The following ATRNL1 variants were observed in gnomAD, a reference collection of about 807,000 sequenced individuals.
ATRNL1 encodes the protein attractin like 1.
A neutral mutation model predicts 182.7 loss-of-function variants in ATRNL1; 95 were observed. That is an observed-to-expected ratio of 0.52 (90% CI 0.44 to 0.62). ATRNL1 has a LOEUF of 0.62. Ranked by LOEUF, ATRNL1 falls within the 20% of genes least tolerant of loss-of-function variation. ATRNL1 has a pLI of 0.00. For missense variants in ATRNL1, 1,471 were observed against 1,679.5 expected (o/e 0.88, Z 2.17); for synonymous variants, 576 against 568.3 (o/e 1.01, Z -0.19).
intron 9 of ATRNL1, among the ~76,000 whole-genome samples, chr10:115,233,102 A>T (rs889557614): frequency 6.6e-6 from 1 of 151,900 alleles, no homozygotes; most frequent in African/African-American, 2.4e-5. Flanking sequence ...TGGACTTCAT[A>T]TGGACTTCTC....
chr10:115,685,053 G>C (rs1004890723), intron 26 of ATRNL1, among the ~76,000 whole-genome samples: 3 of 151,646 alleles, frequency 2.0e-5, no homozygotes, highest in African/African-American at 7.2e-5. Context: ...TAAATCCATG[G>C]ATGGGTACTG....
At chr10:115,658,148 T>A (rs1308887934) in intron 26 of ATRNL1, among the ~76,000 whole-genome samples, 1 of 135,820 alleles carries the variant, frequency 7.4e-6, no homozygotes, top group Non-Finnish European at 1.5e-5. Context: ...CAGGCTGGAG[T>A]GCAGTGGCGC....
intron 26 of ATRNL1, among the ~76,000 whole-genome samples, chr10:115,583,954 G>T (rs1432583199): frequency 2.6e-5 from 4 of 152,064 alleles, no homozygotes; most frequent in African/African-American, 9.7e-5. Flanking sequence ...AGAGTTTTTA[G>T]CATGAAGCAT....
intron 10 of ATRNL1, among the ~76,000 whole-genome samples, chr10:115,264,123 T>C (rs1268262313): frequency 6.6e-6 from 1 of 151,712 alleles, no homozygotes; most frequent in East Asian, 1.9e-4. Context: ...AGGGTTCATG[T>C]GCACAACGTG....
At chr10:115,935,544 G>A (rs919786046) in intron 28 of ATRNL1, among the ~76,000 whole-genome samples, 5 of 152,042 alleles carry the variant, frequency 3.3e-5, no homozygotes, top group South Asian at 2.1e-4. Context: ...GCAAATGAGC[G>A]GAGTGAAGGT....
chr10:115,495,608 T>C (rs1189450795), intron 24 of ATRNL1, among the ~76,000 whole-genome samples: 1 of 152,182 alleles, frequency 6.6e-6, no homozygotes, highest in East Asian at 1.9e-4. Flanking sequence ...GCTGTTTAAC[T>C]TCCATGTGAT....
chr10:115,917,363 G>A lies in ATRNL1; in HGVS notation c.4019-27295G>A, dbSNP rs537156494. Among the ~76,000 whole-genome samples, 42 of 151,768 alleles carry A rather than the reference G, an allele frequency of 2.8e-4. No individual in the cohort carries two copies. In the East Asian group the frequency reaches 4.3e-3, roughly 16 times the overall value. On this transcript the variant is annotated intron_variant, in intron 28 of 28. Coordinates refer to ENST00000355044, the MANE Select transcript of ATRNL1 (RefSeq NM_207303.4). The stretch of plus-strand genomic sequence containing the variant: ...CGGGCACCTGTAGTTCCAGCTACTC[G>A]GGAGGCTGAGGCAGGAGAATGGCGT...
intron 27 of ATRNL1, among the ~76,000 whole-genome samples, chr10:115,750,389 A>G (rs1555070368): frequency 6.6e-6 from 1 of 151,948 alleles, no homozygotes; most frequent in Non-Finnish European, 1.5e-5. Context: ...GCTTCTCAGC[A>G]AGTGGTATTG....
chr10:115,304,378 T>G (rs1853624779), intron 17 of ATRNL1, among the ~76,000 whole-genome samples: 1 of 152,190 alleles, frequency 6.6e-6, no homozygotes, highest in Admixed American at 6.5e-5. Context: ...TTAGCAATTA[T>G]AGTAATGATA....
intron 12 of ATRNL1, 140 bp from the exon 13 acceptor site, chr10:115,268,186 C>T: frequency 1.6e-6 from 1 of 616,082 alleles, no homozygotes; most frequent in East Asian, 2.7e-5. Flanking sequence ...CTTTAGAAAA[C>T]TTACTTTGAA....
intron 25 of ATRNL1, among the ~76,000 whole-genome samples, chr10:115,544,308 G>T (rs1378415810): frequency 6.6e-6 from 1 of 152,138 alleles, no homozygotes; most frequent in Non-Finnish European, 1.5e-5. Flanking sequence ...CAAAAAAGGA[G>T]CCAGTGGAAG....
chr10:115,603,207 G>C (rs1555016586), intron 26 of ATRNL1, among the ~76,000 whole-genome samples: 2 of 145,422 alleles, frequency 1.4e-5, no homozygotes, highest in African/African-American at 5.7e-5. Flanking sequence ...TGGAGGACAG[G>C]GGATAGGACT....
At chr10:115,676,831 C>G (rs1555043215) in intron 26 of ATRNL1, among the ~76,000 whole-genome samples, 1 of 151,870 alleles carries the variant, frequency 6.6e-6, no homozygotes, top group Non-Finnish European at 1.5e-5. Context: ...ACAGCATGTG[C>G]TGAATGGAGA....
Position 115,461,921 on chromosome 10 carries a change from A to G in ATRNL1, c.3323-20A>G. Reference sequence around the variant, plus strand: ...TTTTTAAAGTACATATCAGGATTGTACTTTTTTTCCTCCCTACAGACAGCC... The same window carrying G: ...TTTTTAAAGTACATATCAGGATTGTGCTTTTTTTCCTCCCTACAGACAGCC... On this transcript the variant is annotated intron_variant, in intron 21 of 28. Coordinates refer to ENST00000355044, the MANE Select transcript of ATRNL1 (RefSeq NM_207303.4). 6.4e-7 allele frequency: 1 copy of G among 1,571,036 alleles called. No homozygotes were observed. Among genetic ancestry groups the G allele is most frequent in the Non-Finnish European group, 8.7e-7 (1 of 1,148,326 alleles).
intron 26 of ATRNL1, among the ~76,000 whole-genome samples, chr10:115,605,531 T>G (rs1856826816): frequency 1.3e-5 from 2 of 152,142 alleles, no homozygotes; most frequent in South Asian, 4.1e-4. Context: ...TTTCCAATTT[T>G]TTTGACTTTA....
intron 8 of ATRNL1, among the ~76,000 whole-genome samples, chr10:115,188,060 AGG>A (rs1554889133): frequency 9.5e-5 from 2 of 20,976 alleles, no homozygotes; most frequent in Non-Finnish European, 1.8e-4. Context: ...GGGGAGGGGG[AGG>A]GGGAGAGGGA....
intron 28 of ATRNL1, among the ~76,000 whole-genome samples, chr10:115,937,115 A>G (rs1953583832): frequency 6.6e-6 from 1 of 152,232 alleles, no homozygotes. Context: ...CTACCCAATG[A>G]GAGAACAATT....
At chr10:115,553,581 C>T (rs1434341927) in intron 26 of ATRNL1, among the ~76,000 whole-genome samples, 1 of 151,290 alleles carries the variant, frequency 6.6e-6, no homozygotes, top group Non-Finnish European at 1.5e-5. Context: ...CCCTATCTCC[C>T]TGCATATTTT....
chr10:115,561,669 C>G (rs1592854325), intron 26 of ATRNL1, among the ~76,000 whole-genome samples: 2 of 141,482 alleles, frequency 1.4e-5, no homozygotes, highest in Admixed American at 7.0e-5. Context: ...AGGGACAACT[C>G]TGTGTGTGTG....
Sources: allele counts gnomAD v4.1 joint callset (sites outside exome capture counted in the v4.1 genomes callset), GRCh38; gene constraint gnomAD v4.1.1; transcripts MANE v1.5; gene names NCBI Gene and HGNC (gene_info 2026-07-23, HGNC 2026-07-21).